The following ZC3H12B variants were observed in gnomAD, a reference collection of about 807,000 sequenced individuals.
ZC3H12B encodes the protein zinc finger CCCH-type containing 12B.
A neutral mutation model predicts 43.9 loss-of-function variants in ZC3H12B; 7 were observed. That is an observed-to-expected ratio of 0.16 (90% CI 0.09 to 0.30). The LOEUF (loss-of-function observed/expected upper bound fraction) is 0.30. ZC3H12B is among the 10% of genes least tolerant of loss of function. The probability of loss-of-function intolerance (pLI) is 1.00; values close to 1 mark genes in which losing one functional copy is unlikely to be tolerated. For synonymous variants in ZC3H12B, 222 were observed against 241.7 expected (o/e 0.92, Z 0.76); for missense variants, 475 against 670.2 (o/e 0.71, Z 3.22).
chrX:65,359,844 G>T, the ZC3H12B span, among the ~76,000 whole-genome samples: 1 of 111,893 alleles, frequency 8.9e-6, no homozygotes, highest in Non-Finnish European at 1.9e-5. Context: ...GTACTGCTGT[G>T]GATAAAATGT....
chrX:65,343,032 A>G, the ZC3H12B span, among the ~76,000 whole-genome samples: 1 of 111,133 alleles, frequency 9.0e-6, no homozygotes, highest in African/African-American at 3.3e-5. Flanking sequence ...AGAATATTAT[A>G]AACACCTCTA....
the ZC3H12B span, among the ~76,000 whole-genome samples, chrX:65,209,518 G>C: frequency 2.0e-5 from 2 of 99,609 alleles, no homozygotes; most frequent in African/African-American, 3.7e-5. Flanking sequence ...CTGAGTTCTA[G>C]TTTGATTGCA....
intron 3 of ZC3H12B, among the ~76,000 whole-genome samples, chrX:65,473,747 C>A (rs2067957275): frequency 8.9e-6 from 1 of 111,979 alleles, no homozygotes; most frequent in African/African-American, 3.2e-5. Context: ...AATCTTCATC[C>A]TTTCCTTGTT....
At chrX:65,199,619 C>A in the ZC3H12B span, among the ~76,000 whole-genome samples, 4 of 110,447 alleles carry the variant, frequency 3.6e-5, no homozygotes, top group African/African-American at 9.9e-5. Context: ...CCAACAGGTC[C>A]CAGTCTGTGT....
At chrX:65,192,645 A>T in the ZC3H12B span, among the ~76,000 whole-genome samples, 44 of 111,827 alleles carry the variant, frequency 3.9e-4, no homozygotes, top group Non-Finnish European at 4.9e-4. Flanking sequence ...ACGATGGATT[A>T]CATTGGCTGA....
the ZC3H12B span, among the ~76,000 whole-genome samples, chrX:65,116,987 C>T: frequency 9.0e-6 from 1 of 111,721 alleles, no homozygotes; most frequent in Admixed American, 9.5e-5. Context: ...GGTTCCAAGT[C>T]TTTGCTATTG....
At chrX:65,496,210 G>A (rs951237474) in intron 1 of ZC3H12B, among the ~76,000 whole-genome samples, 2 of 111,711 alleles carry the variant, frequency 1.8e-5, no homozygotes, top group Non-Finnish European at 3.8e-5. Context: ...AGAATTATGA[G>A]CATTTCCTAC....
chrX:65,382,250 C>T lies in ZC3H12B; in HGVS notation n.295+13252C>T, dbSNP rs748357943. ...CCAGCAGCACATCAAAAAGCTTATC[C>T]ACCATGATCAAGTGGGCTTCATCCC... On this transcript the variant is annotated intron_variant and non_coding_transcript_variant, in intron 2 of 5. Coordinates refer to the ZC3H12B transcript ENST00000617377. Among the ~76,000 whole-genome samples, 399 of 109,650 alleles carry T rather than the reference C, an allele frequency of 3.6e-3. 1 individual carries two copies. The highest frequency in any genetic ancestry group is 6.8e-3 in the Admixed American group (70 of 10,221).
chrX:65,123,416 T>A, the ZC3H12B span, among the ~76,000 whole-genome samples: 274 of 111,409 alleles, frequency 2.5e-3, 1 homozygote, highest in South Asian at 0.013. Context: ...TCTGCCAGGC[T>A]TTGGTATCAG....
the ZC3H12B span, among the ~76,000 whole-genome samples, chrX:65,286,071 C>CA: frequency 9.0e-6 from 1 of 111,271 alleles, no homozygotes; most frequent in African/African-American, 3.3e-5. Context: ...GATATATACC[C>CA]AAAGAAAAAT....
Position 65,488,865 on chromosome X carries a change from C to T in ZC3H12B, c.64C>T (p.Gln22Ter). The change falls in exon 1 of 5, where the codon CAG (glutamine) becomes TAG (stop). Residue 22 changes from glutamine (Q) to a stop codon, truncating the protein, a stop_gained. Transcript: ENST00000338957. LOFTEE classifies it high-confidence loss of function. ...GAAGAGTGCCTCCAAGGAAGAGAAG[C>T]AGCAGCCTAAGCAGGACAGCACAGA... The T allele has an allele frequency of 8.3e-7, 1 of 1,208,582 alleles. No individual in the cohort carries two copies. The highest frequency in any genetic ancestry group is 1.1e-6 in the Non-Finnish European group (1 of 894,161).
chrX:65,293,442 G>A, the ZC3H12B span, among the ~76,000 whole-genome samples: 1 of 110,493 alleles, frequency 9.1e-6, no homozygotes, highest in Non-Finnish European at 1.9e-5. Flanking sequence ...GACAAAATAA[G>A]TGTATTTAAC....
the ZC3H12B span, among the ~76,000 whole-genome samples, chrX:65,352,356 A>T: frequency 9.0e-6 from 1 of 111,042 alleles, no homozygotes; most frequent in African/African-American, 3.3e-5. Flanking sequence ...TTGGAGAAAT[A>T]CCTAATGTAG....
the ZC3H12B span, among the ~76,000 whole-genome samples, chrX:65,130,143 T>C: frequency 1.8e-5 from 2 of 111,381 alleles, no homozygotes; most frequent in East Asian, 2.8e-4. Context: ...TTTTTTAAGT[T>C]GGAGGCTGAG....
chrX:65,082,608 G>A, the ZC3H12B span, among the ~76,000 whole-genome samples: 2 of 110,908 alleles, frequency 1.8e-5, no homozygotes, highest in South Asian at 3.8e-4. Context: ...TAATGAGATC[G>A]AAGCTGTAAT....
chrX:65,105,394 G>A, the ZC3H12B span, among the ~76,000 whole-genome samples: 2 of 111,298 alleles, frequency 1.8e-5, no homozygotes, highest in Admixed American at 9.6e-5. Flanking sequence ...ACATTCAGCA[G>A]ATATATCCCA....
At chrX:65,274,523 C>G in the ZC3H12B span, among the ~76,000 whole-genome samples, 8 of 109,940 alleles carry the variant, frequency 7.3e-5, no homozygotes, top group Non-Finnish European at 1.5e-4. Context: ...AGCAAGAAAA[C>G]CAACCCCCAT....
chrX:65,051,317 A>T, the ZC3H12B span, among the ~76,000 whole-genome samples: 1 of 110,727 alleles, frequency 9.0e-6, no homozygotes, highest in Non-Finnish European at 1.9e-5. Flanking sequence ...GATCTTTTCT[A>T]TGTTTTTTTC....
chrX:65,091,958 G>T, the ZC3H12B span, among the ~76,000 whole-genome samples: 10 of 112,116 alleles, frequency 8.9e-5, no homozygotes, highest in Non-Finnish European at 1.9e-4. Context: ...GTGGGGCCTG[G>T]TGGGATGTGA....
Sources: gnomAD v4.1 joint callset for allele counts (sites outside exome capture counted in the v4.1 genomes callset) on GRCh38, gnomAD v4.1.1 for gene constraint, MANE v1.5 for transcripts, NCBI Gene and HGNC (gene_info 2026-07-23, HGNC 2026-07-21) for gene names.